FMN1: variants seen among roughly 807,000 people sequenced by gnomAD.
FMN1 encodes the protein formin-1.
Under a neutral mutation model 132.4 loss-of-function variants are expected in FMN1, and 110 were observed. The ratio of observed to expected loss-of-function variants is 0.83; its 90% CI spans 0.71 to 0.97. The LOEUF is 0.97. Among genes scored for constraint, FMN1 ranks in the 50% least tolerant of loss-of-function variants. The pLI, the probability that FMN1 is intolerant of heterozygous loss-of-function variation, is 0.00. For synonymous variants in FMN1, 722 were observed against 651.7 expected (o/e 1.11, Z -1.64); for missense variants, 1,792 against 1,705.3 (o/e 1.05, Z -0.90).
At chr15:33,008,703 G>C (rs1432582927) in intron 6 of FMN1, among the ~76,000 whole-genome samples, 1 of 152,166 alleles carries the variant, frequency 6.6e-6, no homozygotes, top group African/African-American at 2.4e-5. Flanking sequence ...TAAGTCCCAA[G>C]TGTACGTAAG....
intron 17 of FMN1, among the ~76,000 whole-genome samples, chr15:32,833,219 T>G (rs2058544873): frequency 6.6e-6 from 1 of 152,194 alleles, no homozygotes; most frequent in African/African-American, 2.4e-5. Flanking sequence ...TAACCTGTAA[T>G]TCTTTTCTTA....
chr15:32,916,625 A>C (rs868724960), intron 10 of FMN1, among the ~76,000 whole-genome samples: 1 of 152,118 alleles, frequency 6.6e-6, no homozygotes, highest in African/African-American at 2.4e-5. Context: ...AGCCTGTTTT[A>C]TTCTTCTTTT....
intron 19 of FMN1, among the ~76,000 whole-genome samples, chr15:32,784,354 T>C (rs2056777683): frequency 6.6e-6 from 1 of 151,970 alleles, no homozygotes; most frequent in South Asian, 2.1e-4. Context: ...ATGTATGTTT[T>C]TAGACAAAAA....
chr15:32,882,411 T>C (rs918638072), intron 16 of FMN1, among the ~76,000 whole-genome samples: 3 of 152,188 alleles, frequency 2.0e-5, no homozygotes, highest in Non-Finnish European at 4.4e-5. Context: ...AATTTGCTGG[T>C]ATTAAGTGCT....
At chr15:32,881,939 G>GAC (rs2059781293) in intron 16 of FMN1, among the ~76,000 whole-genome samples, 1 of 152,186 alleles carries the variant, frequency 6.6e-6, no homozygotes, top group Non-Finnish European at 1.5e-5. Context: ...TATTAGTTCA[G>GAC]TTAGCCACAT....
intron 16 of FMN1, among the ~76,000 whole-genome samples, chr15:32,875,966 T>C (rs2059627164): frequency 6.6e-6 from 1 of 152,154 alleles, no homozygotes; most frequent in Non-Finnish European, 1.5e-5. Context: ...GACTCTGTTT[T>C]CCAAGCTGCA....
chr15:32,878,778 G>C (rs1416724068), intron 16 of FMN1, among the ~76,000 whole-genome samples: 1 of 152,152 alleles, frequency 6.6e-6, no homozygotes, highest in Non-Finnish European at 1.5e-5. Context: ...TTCTGACCCA[G>C]ACTTTTCTAT....
intron 4 of FMN1, among the ~76,000 whole-genome samples, chr15:33,144,146 C>G (rs1443337099): frequency 6.6e-6 from 1 of 152,182 alleles, no homozygotes; most frequent in Non-Finnish European, 1.5e-5. Context: ...AGATTTCACA[C>G]TGAAATGACA....
chr15:33,126,105 C>T (rs945663881), intron 4 of FMN1, among the ~76,000 whole-genome samples: 4 of 152,104 alleles, frequency 2.6e-5, no homozygotes, highest in East Asian at 1.9e-4. Context: ...GTAAATGTTA[C>T]GCTTTTGCAG....
chr15:32,798,787 C>CT lies in FMN1; in HGVS notation c.4130+16dup. On this transcript the variant is annotated intron_variant, in intron 19 of 20. Coordinates refer to ENST00000616417, the MANE Select transcript of FMN1 (RefSeq NM_001277313.2). Reference sequence around the variant, plus strand: ...AGGCTCCTGAAGGAGGCATTAAAATCTTTTTTTGAACCTTACCTTTCTTTA... The same window carrying CT: ...AGGCTCCTGAAGGAGGCATTAAAATCTTTTTTTTGAACCTTACCTTTCTTTA... 1 of 1,603,358 alleles carries CT rather than the reference C, an allele frequency of 6.2e-7. No homozygotes were observed. Among genetic ancestry groups the CT allele is most frequent in the African/African-American group, 1.3e-5 (1 of 74,694 alleles).
chr15:33,141,888 C>G (rs1412969514), intron 4 of FMN1, among the ~76,000 whole-genome samples: 1 of 152,100 alleles, frequency 6.6e-6, no homozygotes, highest in Non-Finnish European at 1.5e-5. Flanking sequence ...GCTGGCAATG[C>G]TCCCAGCAGC....
chr15:33,039,160 CAAA>C, intron 6 of FMN1, among the ~76,000 whole-genome samples: 1 of 151,794 alleles, frequency 6.6e-6, no homozygotes, highest in African/African-American at 2.4e-5. Flanking sequence ...ATCTGATTGT[CAAA>C]AAATTCAGAA....
At chr15:32,918,694 G>C (rs904761577) in intron 10 of FMN1, among the ~76,000 whole-genome samples, 1 of 152,146 alleles carries the variant, frequency 6.6e-6, no homozygotes, top group East Asian at 1.9e-4. Flanking sequence ...ATTCTCCAGA[G>C]GGCAGTGGAA....
intron 5 of FMN1, among the ~76,000 whole-genome samples, chr15:33,080,835 T>C (rs1480286271): frequency 2.0e-5 from 3 of 150,702 alleles, no homozygotes; most frequent in Non-Finnish European, 4.4e-5. Flanking sequence ...TGCGGTGAGC[T>C]GAGATCGCGC....
At chr15:33,116,350 T>C (rs558546377) in intron 4 of FMN1, among the ~76,000 whole-genome samples, 5 of 152,322 alleles carry the variant, frequency 3.3e-5, no homozygotes, top group South Asian at 2.1e-4. Context: ...AGCAGCCAAG[T>C]TGCAACAAAT....
chr15:32,851,288 A>G (rs1206534356), intron 17 of FMN1, among the ~76,000 whole-genome samples: 1 of 152,222 alleles, frequency 6.6e-6, no homozygotes, highest in Non-Finnish European at 1.5e-5. Flanking sequence ...CCTCCCTGCC[A>G]AAGCTATAAA....
At chr15:32,919,087 G>C (rs2060755253) in intron 10 of FMN1, among the ~76,000 whole-genome samples, 1 of 152,100 alleles carries the variant, frequency 6.6e-6, no homozygotes, top group African/African-American at 2.4e-5. Flanking sequence ...GGGTCACATG[G>C]CACTTTTGGT....
At position 32,766,456 on chromosome 15, in the gene FMN1, CAA is replaced by C. The variant is rs1389753405; in HGVS notation, c.*7852_*7853del. ...ATAGCTGGTGACCCGGTCTGATGTA[CAA>C]ATTTATCAAGAGAATGGCCTTAATT... is the stretch of plus-strand genomic sequence containing the variant. On this transcript the variant is annotated 3_prime_UTR_variant, in exon 21 of 21. Transcript: ENST00000616417. 1 of 151,720 alleles carries C rather than the reference CAA, an allele frequency of 6.6e-6. No homozygotes were observed. Among genetic ancestry groups the C allele is most frequent in the African/African-American group, 2.4e-5 (1 of 41,244 alleles). 9.4% of individuals were successfully genotyped at this position (151,720 alleles called of 1,614,324 possible).
intron 15 of FMN1, among the ~76,000 whole-genome samples, chr15:32,890,027 G>C (rs1328121364): frequency 6.6e-6 from 1 of 152,186 alleles, no homozygotes; most frequent in Admixed American, 6.5e-5. Flanking sequence ...ACGATGTTTG[G>C]TTTTCCATTC....
Sources: gnomAD v4.1 joint callset for allele counts (sites outside exome capture counted in the v4.1 genomes callset) on GRCh38, gnomAD v4.1.1 for gene constraint, MANE v1.5 for transcripts, NCBI Gene and HGNC (gene_info 2026-07-23, HGNC 2026-07-21) for gene names.